The following SGCG variants were observed in gnomAD, a reference collection of about 807,000 sequenced individuals.
SGCG encodes gamma-sarcoglycan.
In SGCG, 26 loss-of-function variants were observed where a neutral mutation model predicts 29.3. That is an observed-to-expected ratio of 0.89 (90% CI 0.65 to 1.23). SGCG has a LOEUF of 1.23. Ranked by LOEUF, SGCG falls within the 50% of genes most tolerant of loss-of-function variation. The pLI, the probability that SGCG is intolerant of heterozygous loss-of-function variation, is 0.00. For missense variants in SGCG, 353 were observed against 356.0 expected (o/e 0.99, Z 0.07); for synonymous variants, 145 against 129.7 (o/e 1.12, Z -0.80).
intron 6 of SGCG, among the ~76,000 whole-genome samples, chr13:23,307,662 A>G (rs1882408425): frequency 6.6e-6 from 1 of 152,148 alleles, no homozygotes; most frequent in Non-Finnish European, 1.5e-5. Flanking sequence ...AAGTCAGTAC[A>G]GATGCATGGG....
At chr13:23,304,849 G>A (rs11617553) in intron 6 of SGCG, among the ~76,000 whole-genome samples, 2 of 152,110 alleles carry the variant, frequency 1.3e-5, no homozygotes, top group Admixed American at 6.5e-5. Context: ...GGCTGGTCTC[G>A]ATCTCCTGGC....
At chr13:23,312,444 T>C (rs1882637709) in intron 6 of SGCG, among the ~76,000 whole-genome samples, 1 of 152,236 alleles carries the variant, frequency 6.6e-6, no homozygotes, top group African/African-American at 2.4e-5. Flanking sequence ...TATTGTTAAA[T>C]ATGGAAGTGT....
chr13:23,223,641 G>A (rs1878773540), intron 2 of SGCG, among the ~76,000 whole-genome samples: 1 of 152,056 alleles, frequency 6.6e-6, no homozygotes. Flanking sequence ...ATAGCTTATG[G>A]TTTTGCCTCA....
chr13:23,247,954 TAAAAAAAAA>T (rs200707498), intron 3 of SGCG, among the ~76,000 whole-genome samples: 17,286 of 110,770 alleles, frequency 0.16, 1,327 homozygotes, highest in East Asian at 0.42. Context: ...TCCCATCTCT[TAAAAAAAAA>T]AAAAAAAAAA....
At chr13:23,233,963 G>A (rs1879206060) in intron 2 of SGCG, among the ~76,000 whole-genome samples, 1 of 152,224 alleles carries the variant, frequency 6.6e-6, no homozygotes, top group Admixed American at 6.5e-5. Flanking sequence ...ATGCCCCTGA[G>A]AATGCAAAGG....
intron 6 of SGCG, among the ~76,000 whole-genome samples, chr13:23,302,794 T>A (rs1342973970): frequency 6.6e-6 from 1 of 152,194 alleles, no homozygotes; most frequent in Non-Finnish European, 1.5e-5. Flanking sequence ...TAAATATAGC[T>A]TATTAATAGA....
the SGCG span, among the ~76,000 whole-genome samples, chr13:23,160,669 G>A: frequency 6.6e-6 from 1 of 152,104 alleles, no homozygotes; most frequent in African/African-American, 2.4e-5. Flanking sequence ...GCCACGGCCC[G>A]CCACTTCGCC....
At chr13:23,282,390 CTT>C (rs1410174154) in intron 5 of SGCG, among the ~76,000 whole-genome samples, 1 of 152,098 alleles carries the variant, frequency 6.6e-6, no homozygotes, top group Non-Finnish European at 1.5e-5. Context: ...ATATAGGTAA[CTT>C]GTGTCATGGG....
At chr13:23,198,884 G>A (rs564388271) in intron 1 of SGCG, among the ~76,000 whole-genome samples, 120 of 140,040 alleles carry the variant, frequency 8.6e-4, no homozygotes, top group Middle Eastern at 4.5e-3. Context: ...CGAGGCAGGC[G>A]GATCACGAGG....
chr13:23,309,926 TA>T (rs1460251817), intron 6 of SGCG, among the ~76,000 whole-genome samples: 1 of 152,172 alleles, frequency 6.6e-6, no homozygotes, highest in Non-Finnish European at 1.5e-5. Context: ...TATGAGCATA[TA>T]ATTATTCATA....
At position 23,279,533 on chromosome 13, in the gene SGCG, A is replaced by G. The variant is rs569075823; in HGVS notation, c.505+55A>G. 1.0e-5 allele frequency: 16 copies of G among 1,552,948 alleles called. No individual in the cohort carries two copies. The South Asian group carries it at 1.6e-4, about 15-fold the overall frequency. ...TTCCATGGAGTACACATCTGCAAAA[A>G]CACATTGTACTATTGACAAGTTTAT... On this transcript the variant is annotated intron_variant, in intron 5 of 7. Transcript: ENST00000218867.
In SGCG at chr13:23,203,835, C is replaced by T. The variant is rs1877869527; in HGVS notation, c.141C>T (p.Leu47=). ...YLFVLLLLII[L]VVNLALTIWI... is the part of the protein sequence containing the mutation. ...TTGTTCTTCTTTTACTCATCATCCT[C>T]GTTGTGAATTTAGCTCTTACAATTT... Residue 47 remains leucine, a synonymous_variant, in exon 2 of 8, where the codon CTC becomes CTT. Transcript: ENST00000218867. 4 of 1,614,008 alleles carry T rather than the reference C, an allele frequency of 2.5e-6. No homozygotes were observed. Among genetic ancestry groups the T allele is most frequent in the Non-Finnish European group, 8.5e-7 (1 of 1,179,890 alleles).
chr13:23,287,158 T>C (rs7328845), intron 5 of SGCG, among the ~76,000 whole-genome samples: 96,867 of 151,780 alleles, frequency 0.64, 32,584 homozygotes, highest in Middle Eastern at 0.84. Flanking sequence ...ACTTATATGG[T>C]AAGAGGAAGG....
At chr13:23,313,395 C>T (rs1423012030) in intron 6 of SGCG, among the ~76,000 whole-genome samples, 2 of 152,100 alleles carry the variant, frequency 1.3e-5, no homozygotes, top group Non-Finnish European at 2.9e-5. Context: ...AAACTCCTGA[C>T]CTCAATTGAT....
chr13:23,226,493 C>A (rs1329642408), intron 2 of SGCG, among the ~76,000 whole-genome samples: 1 of 151,952 alleles, frequency 6.6e-6, no homozygotes, highest in Admixed American at 6.6e-5. Flanking sequence ...AGTGTTCATG[C>A]ACTGGAATAC....
At chr13:23,279,272 T>C (rs909210278) in intron 4 of SGCG, 87 bp from the exon 5 acceptor site, 2 of 1,243,218 alleles carry the variant, frequency 1.6e-6, no homozygotes, top group African/African-American at 3.0e-5. Context: ...TACTTGGTAT[T>C]GTAGGGTTGA....
intron 6 of SGCG, among the ~76,000 whole-genome samples, chr13:23,298,735 T>A (rs553141109): frequency 2.1e-4 from 32 of 152,308 alleles, no homozygotes; most frequent in African/African-American, 6.7e-4. Flanking sequence ...ACTTTTAAAG[T>A]AAATGTCAAT....
At chr13:23,211,278 G>T (rs538461) in intron 2 of SGCG, among the ~76,000 whole-genome samples, 1 of 152,104 alleles carries the variant, frequency 6.6e-6, no homozygotes, top group African/African-American at 2.4e-5. Context: ...GAGGAGAGGA[G>T]CCAGAAGCCT....
At chr13:23,284,119 TTCTC>T (rs1009686831) in intron 5 of SGCG, among the ~76,000 whole-genome samples, 4 of 152,180 alleles carry the variant, frequency 2.6e-5, no homozygotes, top group African/African-American at 4.8e-5. Flanking sequence ...CTTTGTTGTG[TTCTC>T]TCTATTTCCT....
Sources: gnomAD v4.1 joint callset for allele counts (sites outside exome capture counted in the v4.1 genomes callset) on GRCh38, gnomAD v4.1.1 for gene constraint, MANE v1.5 for transcripts, NCBI Gene and HGNC (gene_info 2026-07-23, HGNC 2026-07-21) for gene names.